Variants in HLA-DOA observed in about 807,000 individuals in gnomAD.
HLA-DOA encodes the protein major histocompatibility complex, class II, DO alpha, also known as HLA class II histocompatibility antigen, DO alpha chain.
HLA-DOA carries 27 observed loss-of-function variants against 22.9 expected under a neutral mutation model. That is an observed-to-expected ratio of 1.18 (90% CI 0.87 to 1.62). The LOEUF is 1.62. Ranked by LOEUF, HLA-DOA falls within the 40% of genes most tolerant of loss-of-function variation. The pLI, the probability that HLA-DOA is intolerant of heterozygous loss-of-function variation, is 0.00. For missense variants in HLA-DOA, 324 were observed against 332.4 expected (o/e 0.97, Z 0.20); for synonymous variants, 137 against 138.6 (o/e 0.99, Z 0.08).
rs6913008 is a variant in HLA-DOA at position 33,007,066 on chromosome 6, C to T, written c.749+14G>A. 0.16 allele frequency: 257,173 copies of T among 1,602,452 alleles called. 21,461 individuals are homozygous for T. Among genetic ancestry groups the T allele is most frequent in the South Asian group, 0.17 (15,258 of 89,944 alleles). ...TTTCCTCCCCCACCCCCCAGACTCCCGGGGCCTCTGCACCTGGGGACACTG... is the reference window on the plus strand; with the variant it reads ...TTTCCTCCCCCACCCCCCAGACTCCTGGGGCCTCTGCACCTGGGGACACTG... On this transcript the variant is annotated intron_variant, in intron 4 of 4. Transcript: ENST00000229829.
At chr6:33,008,611 C>T (rs1474517247) in intron 1 of HLA-DOA, among the ~76,000 whole-genome samples, 1 of 152,004 alleles carries the variant, frequency 6.6e-6, no homozygotes, top group Non-Finnish European at 1.5e-5. Context: ...GCTGGTGGGA[C>T]TGTGGGGGTG....
In HLA-DOA at chr6:33,007,310, C is replaced by T; in HGVS notation, c.613+1G>A. The stretch of plus-strand genomic sequence containing the variant: ...GGGTGCATGGGGAGGGGGCTCCGTA[C>T]CCCAATGCCTGAGGAGTGGCGCATC... On this transcript the variant is annotated splice_donor_variant, in intron 3 of 4. Coordinates refer to ENST00000229829, the MANE Select transcript of HLA-DOA (RefSeq NM_002119.4). LOFTEE classifies it high-confidence loss of function. 6.2e-7 allele frequency: 1 copy of T among 1,612,962 alleles called. No individual in the cohort carries two copies. The highest frequency in any genetic ancestry group is 8.5e-7 in the Non-Finnish European group (1 of 1,179,942).
chr6:33,007,048 C>T (rs748447751), intron 4 of HLA-DOA, 32 bp downstream of exon 4: 1 of 1,589,756 alleles, frequency 6.3e-7, no homozygotes, highest in South Asian at 1.1e-5. Flanking sequence ...CACTTTCCTC[C>T]CCCACCCCCC....
chr6:33,008,354 C>T (rs112304737), intron 1 of HLA-DOA, 93 bp from the exon 2 acceptor site: 24 of 1,534,642 alleles, frequency 1.6e-5, no homozygotes, highest in South Asian at 1.0e-4. Context: ...GCCTGGGCCC[C>T]GTCCTGGGTT....
Position 33,005,645 on chromosome 6 carries a change from T to G in HLA-DOA, c.*1193A>C, listed in dbSNP as rs1780780230. ...TAGGCTGGAGTGCAGTGGCGCAATC[T>G]TGGCTCACTGCAGCCTTGAACTCCT... On this transcript the variant is annotated 3_prime_UTR_variant, in exon 5 of 5. Coordinates refer to ENST00000229829, the MANE Select transcript of HLA-DOA (RefSeq NM_002119.4). 6.6e-6 allele frequency: 1 copy of G among 152,100 alleles called. No individual in the cohort carries two copies. Among genetic ancestry groups the G allele is most frequent in the African/African-American group, 2.4e-5 (1 of 41,406 alleles). The allele number at this position is 152,100 out of a possible 1,614,324, so 9.4% of individuals were successfully genotyped here. A position where few individuals can be genotyped will look rare whatever the true frequency, so the allele number is the denominator to read the frequency against.
chr6:33,007,756 G>C (rs1306537578), intron 2 of HLA-DOA, 164 bp from the exon 3 acceptor site: 2 of 873,410 alleles, frequency 2.3e-6, no homozygotes, highest in African/African-American at 1.7e-5. Context: ...GAGGAGACTG[G>C]GGAGGGAGTG....
At position 33,007,137 on chromosome 6, in the gene HLA-DOA, C is replaced by A. The variant is rs141887419; in HGVS notation, c.692G>T (p.Gly231Val). The A allele has an allele frequency of 1.3e-3, 2,145 of 1,613,888 alleles. 13 individuals are homozygous for A. Among genetic ancestry groups the A allele is most frequent in the Middle Eastern group, 4.0e-3 (24 of 6,062 alleles). Residue 231 changes from glycine to valine, a missense_variant, in exon 4 of 5, where the codon GGC becomes GTC. Gly to Val is a moderately radical substitution (Grantham distance 109, BLOSUM62 -3). Transcript: ENST00000229829. The part of the protein sequence containing the change: ...CALGLAIGLV[G>V]FLVGTVLIIM... ...GATGAGGACGGTGCCCACGAGGAAG[C>A]CCACCAGGCCGATGGCCAGGCCCAG...
rs760199402 is a variant in HLA-DOA, at chr6:33,007,251, AG to A, written c.614-37del. 2.4e-5 allele frequency: 39 copies of A among 1,613,288 alleles called. No homozygotes were observed. In the Middle Eastern group the frequency reaches 4.9e-4, roughly 20 times the overall value. On this transcript the variant is annotated intron_variant, in intron 3 of 4. Coordinates refer to ENST00000229829, the MANE Select transcript of HLA-DOA (RefSeq NM_002119.4). Reference sequence around the variant, plus strand: ...AAGGAAGGAGTTGGTGGTATATGAAAGGATTCTAGAGTAAAGGAAACCTGGG... The same window carrying A: ...AAGGAAGGAGTTGGTGGTATATGAAAGATTCTAGAGTAAAGGAAACCTGGG...
At chr6:33,007,255 T>C in intron 3 of HLA-DOA, 40 bp from the exon 4 acceptor site, 1 of 1,613,288 alleles carries the variant, frequency 6.2e-7, no homozygotes, top group Non-Finnish European at 8.5e-7. Context: ...TATGAAAGGA[T>C]TCTAGAGTAA....
chr6:33,006,606 T>C lies in HLA-DOA; in HGVS notation c.*232A>G, dbSNP rs1184759806. On this transcript the variant is annotated 3_prime_UTR_variant, in exon 5 of 5. Coordinates refer to ENST00000229829, the MANE Select transcript of HLA-DOA (RefSeq NM_002119.4). Reference sequence around the variant, plus strand: ...TAGTGCTGCCAGCCAGAGCTTTGGGTAGAGCAAGAATGTGTGTGTGTGTTG... The same window carrying C: ...TAGTGCTGCCAGCCAGAGCTTTGGGCAGAGCAAGAATGTGTGTGTGTGTTG... The C allele has an allele frequency of 6.2e-6, 4 of 644,796 alleles. No homozygotes were observed. In the Admixed American group the frequency reaches 7.2e-5, roughly 12 times the overall value. The allele number at this position is 644,796 out of a possible 1,614,324, so 39.9% of individuals were successfully genotyped here. A position where few individuals can be genotyped will look rare whatever the true frequency, so the allele number is the denominator to read the frequency against.
rs1053997967 is a variant in HLA-DOA, at chr6:33,005,020, G to C, written c.*1818C>G. On this transcript the variant is annotated 3_prime_UTR_variant, in exon 5 of 5. Coordinates refer to ENST00000229829, the MANE Select transcript of HLA-DOA (RefSeq NM_002119.4). ...TTTTGCCTCTATTTACTTGTACCTT[G>C]ATTGGCTGATGCCCTAACAGACCCA... 1.3e-5 allele frequency: 2 copies of C among 152,270 alleles called. No individual in the cohort carries two copies. Among genetic ancestry groups the C allele is most frequent in the African/African-American group, 4.8e-5 (2 of 41,434 alleles). 9.4% of individuals were successfully genotyped at this position (152,270 alleles called of 1,614,324 possible).
intron 2 of HLA-DOA, 179 bp from the exon 3 acceptor site, chr6:33,007,771 C>T (rs1780885743): frequency 6.0e-6 from 5 of 832,348 alleles, no homozygotes; most frequent in African/African-American, 1.7e-5. Context: ...GGAGTGGGGA[C>T]GCCAGGAGCT....
rs779068714 is a variant in HLA-DOA at position 33,007,110 on chromosome 6, A to G, written c.719T>C (p.Ile240Thr). The change falls in exon 4 of 5, where the codon ATC becomes ACC. Residue 240 changes from isoleucine to threonine, a missense_variant. Physicochemically the swap from Ile to Thr is moderately conservative, Grantham distance 89. Transcript: ENST00000229829. ...VGFLVGTVLI[I>T]MGTYVSSVPR ...GACACTGGACACATATGTGCCCATG[A>G]TGATGAGGACGGTGCCCACGAGGAA... The G allele has an allele frequency of 1.2e-6, 2 of 1,613,694 alleles. No individual in the cohort carries two copies.
intron 4 of HLA-DOA, 74 bp from the exon 5 acceptor site, chr6:33,006,915 C>A: frequency 6.8e-7 from 1 of 1,461,722 alleles, no homozygotes; most frequent in Non-Finnish European, 9.6e-7. Flanking sequence ...GAGTGCCCAC[C>A]TCCCCCAAAA....
At position 33,005,126 on chromosome 6, in the gene HLA-DOA, G is replaced by A. The variant is rs35776718; in HGVS notation, c.*1712C>T. Reference sequence around the variant, plus strand: ...ATGACCCCCGATGGCACCTGATTACGTCACTGGGTTCCAGTTACCAGACCA... The same window carrying A: ...ATGACCCCCGATGGCACCTGATTACATCACTGGGTTCCAGTTACCAGACCA... On this transcript the variant is annotated 3_prime_UTR_variant, in exon 5 of 5. Transcript: ENST00000229829. The A allele has an allele frequency of 0.1, 15,471 of 152,408 alleles. 1,006 individuals carry two copies. Among genetic ancestry groups the A allele is most frequent in the East Asian group, 0.18 (915 of 5,172 alleles). 9.4% of individuals were successfully genotyped at this position (152,408 alleles called of 1,614,324 possible). A position where few individuals can be genotyped will look rare whatever the true frequency, so the allele number is the denominator to read the frequency against.
chr6:33,009,342 T>C lies in HLA-DOA; in HGVS notation c.82+113A>G. On this transcript the variant is annotated intron_variant, in intron 1 of 4. Transcript: ENST00000229829. The surrounding 1 kb of genome is among the most constrained non-coding windows in gnomAD (Gnocchi z 4.8). Reference sequence around the variant, plus strand: ...ATTGGGTGTCTCTTGGTGAAGGAAGTTGCCCATAAACCAGAGAGCGAGAGG... The same window carrying C: ...ATTGGGTGTCTCTTGGTGAAGGAAGCTGCCCATAAACCAGAGAGCGAGAGG... 1.6e-6 allele frequency: 1 copy of C among 639,096 alleles called. No homozygotes were observed. Among genetic ancestry groups the C allele is most frequent in the Non-Finnish European group, 2.5e-6 (1 of 395,766 alleles). The allele number at this position is 639,096 out of a possible 1,614,324, so 39.6% of individuals were successfully genotyped here.
Position 33,007,160 on chromosome 6 carries a change from C to T in HLA-DOA, c.669G>A (p.Leu223=). The change falls in exon 4 of 5, where the codon CTG becomes CTA. Residue 223 remains leucine, a synonymous_variant. Transcript: ENST00000229829. ...PDAMETLVCA[L]GLAIGLVGFL... is the part of the protein sequence containing the mutation. ...AGCCCACCAGGCCGATGGCCAGGCC[C>T]AGGGCACAGACCAGGGTCTCCATGG... 2 of 1,613,922 alleles carry T rather than the reference C, an allele frequency of 1.2e-6. No individual in the cohort carries two copies. Among genetic ancestry groups the T allele is most frequent in the Non-Finnish European group, 1.7e-6 (2 of 1,180,032 alleles).
chr6:33,006,513 C>A lies in HLA-DOA; in HGVS notation c.*325G>T, dbSNP rs372806804. 254 of 539,758 alleles carry A rather than the reference C, an allele frequency of 4.7e-4. 4 individuals are homozygous for A. In the South Asian group the frequency reaches 5.3e-3, roughly 11 times the overall value. 33.4% of individuals were successfully genotyped at this position (539,758 alleles called of 1,614,324 possible). On this transcript the variant is annotated 3_prime_UTR_variant, in exon 5 of 5. Transcript: ENST00000229829. The stretch of plus-strand genomic sequence containing the variant: ...GGATGGCTGCCAATCCCCAGCACCA[C>A]ATGCCTCACCCCTGGAAGAACTGGC...
chr6:33,006,761 T>G lies in HLA-DOA; in HGVS notation c.*77A>C, dbSNP rs777400152. The stretch of plus-strand genomic sequence containing the variant: ...ACAGCGGGATGCACTTAAAGGGCAC[T>G]GAGCACGCAGGGGCTGTCACAAACC... On this transcript the variant is annotated 3_prime_UTR_variant, in exon 5 of 5. Coordinates refer to ENST00000229829, the MANE Select transcript of HLA-DOA (RefSeq NM_002119.4). 207 of 1,612,444 alleles carry G rather than the reference T, an allele frequency of 1.3e-4. No individual in the cohort carries two copies. Among genetic ancestry groups the G allele is most frequent in the Non-Finnish European group, 1.7e-4 (205 of 1,179,584 alleles).
Sources: allele counts gnomAD v4.1 joint callset (sites outside exome capture counted in the v4.1 genomes callset), GRCh38; gene constraint gnomAD v4.1.1; non-coding constraint Gnocchi (gnomAD v3.1); transcripts MANE v1.5; gene names NCBI Gene and HGNC (gene_info 2026-07-23, HGNC 2026-07-21).